BICRAL: variants seen among roughly 807,000 people sequenced by gnomAD.
BICRAL encodes the protein BRD4-interacting chromatin-remodeling complex-associated protein-like.
BICRAL carries 8 observed loss-of-function variants against 91.8 expected under a neutral mutation model. That is an observed-to-expected ratio of 0.09 (90% CI 0.05 to 0.16). BICRAL has a LOEUF of 0.16. BICRAL is among the 10% of genes least tolerant of loss of function. BICRAL has a pLI of 1.00. For missense variants in BICRAL, 1,038 were observed against 1,310.9 expected (o/e 0.79, Z 3.21); for synonymous variants, 445 against 491.1 (o/e 0.91, Z 1.24).
Position 42,804,417 on chromosome 6 carries a change from G to A in BICRAL, c.-101-5889G>A, listed in dbSNP as rs1016863803. Among the ~76,000 whole-genome samples the A allele has an allele frequency of 2.4e-4, 37 of 152,162 alleles. 1 individual carries two copies. Among genetic ancestry groups the A allele is most frequent in the Non-Finnish European group, 1.5e-5 (1 of 68,030 alleles). Reference sequence around the variant, plus strand: ...GCATGGCTGTATTGTCATACATGGTGCTGGTAAGATGTCAGATGTCCTCTA... The same window carrying A: ...GCATGGCTGTATTGTCATACATGGTACTGGTAAGATGTCAGATGTCCTCTA... On this transcript the variant is annotated intron_variant, in intron 1 of 12. Transcript: ENST00000314073.
chr6:42,810,411 T>C lies in BICRAL; in HGVS notation c.-6+10T>C, dbSNP rs1308374339. 6.6e-6 allele frequency: 1 copy of C among 152,220 alleles called. No homozygotes were observed. The highest frequency in any genetic ancestry group is 2.4e-5 in the African/African-American group (1 of 41,448). 9.4% of individuals were successfully genotyped at this position (152,220 alleles called of 1,614,324 possible). ...TTCTCACATTGCAATGGTAATGAAT[T>C]GTTGCATGTCTGTCTTCCAAAAGAA... is the stretch of plus-strand genomic sequence containing the variant. On this transcript the variant is annotated intron_variant, in intron 2 of 12. Coordinates refer to ENST00000314073, the MANE Select transcript of BICRAL (RefSeq NM_001393499.1).
chr6:42,862,645 C>T (rs1231901998), intron 12 of BICRAL, 33 bp downstream of exon 12: 1 of 1,260,810 alleles, frequency 7.9e-7, no homozygotes, highest in Non-Finnish European at 1.2e-6. Flanking sequence ...TAGTGGATAG[C>T]TCCTGCCATG....
chr6:42,829,852 A>G lies in BICRAL; in HGVS notation c.1519A>G (p.Thr507Ala), dbSNP rs141434173. The G allele has an allele frequency of 2.5e-6, 4 of 1,614,222 alleles. No individual in the cohort carries two copies. The highest frequency in any genetic ancestry group is 3.4e-6 in the Non-Finnish European group (4 of 1,180,046). The change falls in exon 6 of 13, where the codon ACT becomes GCT. Residue 507 changes from threonine to alanine, a missense_variant. Thr to Ala is a moderately conservative substitution (Grantham distance 58). Coordinates refer to ENST00000314073, the MANE Select transcript of BICRAL (RefSeq NM_001393499.1). ...GATGCCCTTGCAGCAGGCATCCCCA[A>G]CTGTATTACACCTGTCACCTGGGCA... ...GQMPLQQASP[T>A]VLHLSPGQSS...
chr6:42,779,226 ACACACACACACACACACAC>A (rs1562456221), upstream of BICRAL, among the ~76,000 whole-genome samples: 6 of 7,896 alleles, frequency 7.6e-4, no homozygotes, highest in African/African-American at 4.5e-3. Context: ...CAAGAAAAAC[ACACACACACACACACACAC>A]ACACACACAC....
At chr6:42,850,394 C>T (rs899922326) in intron 6 of BICRAL, among the ~76,000 whole-genome samples, 1 of 151,650 alleles carries the variant, frequency 6.6e-6, no homozygotes, top group Non-Finnish European at 1.5e-5. Flanking sequence ...GTGGTGGGCG[C>T]CTGTAATCCC....
At chr6:42,778,511 C>T (rs1039923947), upstream of BICRAL, among the ~76,000 whole-genome samples, 1 of 152,168 alleles carries the variant, frequency 6.6e-6, no homozygotes, top group Non-Finnish European at 1.5e-5. Flanking sequence ...ACTTAGAAGA[C>T]CTTCAATAAA....
At chr6:42,847,960 T>C (rs1163370174) in intron 6 of BICRAL, among the ~76,000 whole-genome samples, 3 of 151,970 alleles carry the variant, frequency 2.0e-5, no homozygotes, top group Non-Finnish European at 4.4e-5. Flanking sequence ...AAACCTCATC[T>C]CTACTAAAAA....
chr6:42,770,331 C>T (rs551849296), intron 1 of BICRAL, among the ~76,000 whole-genome samples: 2 of 152,064 alleles, frequency 1.3e-5, no homozygotes, highest in South Asian at 2.1e-4. Flanking sequence ...CGGGTTCAAG[C>T]GATCCTCATG....
intron 2 of BICRAL, among the ~76,000 whole-genome samples, chr6:42,816,741 G>A (rs373817407): frequency 4.6e-5 from 7 of 152,234 alleles, no homozygotes; most frequent in East Asian, 1.9e-4. Flanking sequence ...TCAGCCGGGC[G>A]TGGTGGCTCA....
chr6:42,759,941 G>T (rs1185931794), intron 1 of BICRAL, among the ~76,000 whole-genome samples: 1 of 152,116 alleles, frequency 6.6e-6, no homozygotes, highest in African/African-American at 2.4e-5. Flanking sequence ...CACAGTAAGT[G>T]CTTGTTAAAG....
Position 42,767,103 on chromosome 6 carries a change from G to A in BICRAL, c.-260-14736G>A, listed in dbSNP as rs557021742. Among the ~76,000 whole-genome samples, 21 of 151,490 alleles carry A rather than the reference G, an allele frequency of 1.4e-4. No homozygotes were observed. The East Asian group carries it at 3.9e-3, about 28-fold the overall frequency. ...GGAGGCAGAGGTTGTAGTGAGCCAAGATTGTGCCACTGCACTCCAGCCTGG... is the reference window on the plus strand; with the variant it reads ...GGAGGCAGAGGTTGTAGTGAGCCAAAATTGTGCCACTGCACTCCAGCCTGG... On this transcript the variant is annotated intron_variant, in intron 1 of 14. Transcript: ENST00000614467.
chr6:42,787,976 A>G (rs1763149522), intron 1 of BICRAL, among the ~76,000 whole-genome samples: 1 of 151,074 alleles, frequency 6.6e-6, no homozygotes. Flanking sequence ...CTTACCACAG[A>G]CTCAACCTAC....
intron 1 of BICRAL, among the ~76,000 whole-genome samples, chr6:42,775,441 G>A (rs938465696): frequency 6.6e-6 from 1 of 152,126 alleles, no homozygotes; most frequent in Non-Finnish European, 1.5e-5. Flanking sequence ...CCATCCTCCT[G>A]AGCAGGTGGA....
intron 8 of BICRAL, among the ~76,000 whole-genome samples, chr6:42,855,163 C>T (rs1421702684): frequency 6.6e-6 from 1 of 152,104 alleles, no homozygotes; most frequent in African/African-American, 2.4e-5. Flanking sequence ...ATAACAGGAG[C>T]TTAAAAGTGT....
At chr6:42,798,675 A>T (rs1279006492) in intron 1 of BICRAL, among the ~76,000 whole-genome samples, 4 of 152,172 alleles carry the variant, frequency 2.6e-5, no homozygotes, top group Non-Finnish European at 2.9e-5. Flanking sequence ...CAGCCTGGGT[A>T]CTGTCTCTAA....
chr6:42,837,625 G>A (rs866872435), intron 6 of BICRAL, among the ~76,000 whole-genome samples: 3 of 151,690 alleles, frequency 2.0e-5, no homozygotes, highest in South Asian at 2.1e-4. Context: ...GGTGGCAGGC[G>A]CCTGTAGTCC....
In BICRAL at chr6:42,828,720, T is replaced by C. The variant is rs1162793295; in HGVS notation, c.387T>C (p.Ser129=). 1.2e-6 allele frequency: 2 copies of C among 1,614,064 alleles called. No individual in the cohort carries two copies. The highest frequency in any genetic ancestry group is 1.7e-6 in the Non-Finnish European group (2 of 1,180,040). Residue 129 remains serine (S), a synonymous_variant, in exon 6 of 13, where the codon AGT becomes AGC. Coordinates refer to ENST00000314073, the MANE Select transcript of BICRAL (RefSeq NM_001393499.1). ...TLAEEAYLDA[S]IGSSQQFAQA... is the part of the protein sequence containing the mutation. Reference sequence around the variant, plus strand: ...CAGAAGAGGCATATTTGGATGCCAGTATAGGTTCAAGCCAACAGTTTGCAC... The same window carrying C: ...CAGAAGAGGCATATTTGGATGCCAGCATAGGTTCAAGCCAACAGTTTGCAC...
chr6:42,839,699 G>T (rs181907149), intron 6 of BICRAL, among the ~76,000 whole-genome samples: 524 of 152,134 alleles, frequency 3.4e-3, no homozygotes, highest in African/African-American at 0.012. Flanking sequence ...TGTATTTAAT[G>T]TATTATTTCT....
intron 6 of BICRAL, among the ~76,000 whole-genome samples, chr6:42,846,216 A>T (rs1246849613): frequency 6.6e-6 from 1 of 151,402 alleles, no homozygotes; most frequent in African/African-American, 2.4e-5. Context: ...CTCTACTAAA[A>T]ATACAAAAAT....
Sources: allele counts gnomAD v4.1 joint callset (sites outside exome capture counted in the v4.1 genomes callset), GRCh38; gene constraint gnomAD v4.1.1; transcripts MANE v1.5; gene names NCBI Gene and HGNC (gene_info 2026-07-23, HGNC 2026-07-21).